Variants in RAB3IP observed in about 807,000 individuals in gnomAD.
The protein encoded by RAB3IP is RAB3A interacting protein.
RAB3IP carries 36 observed loss-of-function variants against 59.1 expected under a neutral mutation model. The observed-to-expected ratio is 0.61, with a 90% CI of 0.47 to 0.80. RAB3IP has a LOEUF of 0.80. Ranked by LOEUF, RAB3IP falls within the 30% of genes least tolerant of loss-of-function variation. The pLI is 0.00. For missense variants in RAB3IP, 511 were observed against 536.0 expected, an observed-to-expected ratio of 0.95 and a Z score of 0.46; for synonymous variants, 207 against 191.2, an observed-to-expected ratio of 1.08 and a Z score of -0.68.
At chr12:69,805,544 G>C (rs1275774306) in intron 8 of RAB3IP, among the ~76,000 whole-genome samples, 1 of 151,968 alleles carries the variant, frequency 6.6e-6, no homozygotes, top group Non-Finnish European at 1.5e-5. Flanking sequence ...TTGAATAGGA[G>C]TGGTGAGAGA....
rs370693677 is a variant in RAB3IP at position 69,795,298 on chromosome 12, A to G, written c.842A>G (p.His281Arg). 41 of 1,614,156 alleles carry G rather than the reference A, an allele frequency of 2.5e-5. No individual in the cohort carries two copies. In the East Asian group the frequency reaches 5.6e-4, roughly 22 times the overall value. Residue 281 changes from histidine (H) to arginine (R), a missense_variant, in exon 6 of 11, where the codon CAT becomes CGT. His to Arg is a conservative substitution (Grantham distance 29, BLOSUM62 0). Coordinates refer to ENST00000247833, the MANE Select transcript of RAB3IP (RefSeq NM_022456.5). ...ACAAGCAGTGCTATGAGTGGCAGTC[A>G]TCAGGACCTCAGTGTGATACAGCCA... ...KSTSSAMSGS[H>R]QDLSVIQPIV...
chr12:69,809,457 A>G (rs1476091490), intron 8 of RAB3IP, among the ~76,000 whole-genome samples: 1 of 152,122 alleles, frequency 6.6e-6, no homozygotes, highest in Admixed American at 6.6e-5. Context: ...GCCTTGCTAG[A>G]TTGGGGAAGT....
At chr12:69,755,075 T>G (rs998597288) in intron 1 of RAB3IP, among the ~76,000 whole-genome samples, 1 of 152,026 alleles carries the variant, frequency 6.6e-6, no homozygotes, top group Non-Finnish European at 1.5e-5. Flanking sequence ...TTGTGGTGTT[T>G]TGTTTTTGTT....
chr12:69,782,079 A>G (rs1423277718), intron 3 of RAB3IP, among the ~76,000 whole-genome samples: 4 of 152,208 alleles, frequency 2.6e-5, no homozygotes, highest in African/African-American at 9.7e-5. Context: ...AAAAAACTAT[A>G]TTACCACCAC....
At chr12:69,776,134 A>C (rs1873886488) in intron 3 of RAB3IP, among the ~76,000 whole-genome samples, 1 of 6,688 alleles carries the variant, frequency 1.5e-4, no homozygotes, top group African/African-American at 3.9e-4. Context: ...TTCCTGGTTT[A>C]GTCTTGGGAG....
chr12:69,741,050 C>T (rs1035064974), intron 1 of RAB3IP, among the ~76,000 whole-genome samples: 1 of 152,136 alleles, frequency 6.6e-6, no homozygotes, highest in African/African-American at 2.4e-5. Flanking sequence ...GTTGAAATTG[C>T]TAATATTCTG....
chr12:69,766,560 A>C (rs1370453596), intron 3 of RAB3IP, among the ~76,000 whole-genome samples: 1 of 149,900 alleles, frequency 6.7e-6, no homozygotes, highest in Non-Finnish European at 1.5e-5. Flanking sequence ...CACTCTTGTC[A>C]CCCAGGCTGG....
At chr12:69,778,727 G>A (rs1218683452) in intron 3 of RAB3IP, among the ~76,000 whole-genome samples, 4 of 6,042 alleles carry the variant, frequency 6.6e-4, no homozygotes, top group South Asian at 0.015. Context: ...TAGGCTGCTC[G>A]GGGGTCAGGG....
Position 69,822,460 on chromosome 12 carries a change from A to G in RAB3IP, c.*7014A>G, listed in dbSNP as rs1881848308. The G allele has an allele frequency of 6.6e-6, 1 of 151,712 alleles. No homozygotes were observed. Among genetic ancestry groups the G allele is most frequent in the Non-Finnish European group, 1.5e-5 (1 of 67,940 alleles). 9.4% of individuals were successfully genotyped at this position (151,712 alleles called of 1,614,324 possible). ...TACACTTAGAATGAATATGCATGGA[A>G]TCAAATTACATTCAGAATCTACCAC... On this transcript the variant is annotated 3_prime_UTR_variant, in exon 11 of 11. Transcript: ENST00000247833.
intron 3 of RAB3IP, among the ~76,000 whole-genome samples, chr12:69,762,123 C>T (rs1197432228): frequency 1.3e-5 from 2 of 152,160 alleles, no homozygotes; most frequent in African/African-American, 4.8e-5. Context: ...GATGGACAAC[C>T]ACTTCCCAGC....
intron 1 of RAB3IP, among the ~76,000 whole-genome samples, chr12:69,748,485 G>C (rs1478958062): frequency 2.0e-5 from 3 of 152,172 alleles, no homozygotes; most frequent in Admixed American, 1.3e-4. Flanking sequence ...TGTTTTTGCT[G>C]TGATAGTACT....
chr12:69,801,663 G>A lies in RAB3IP; in HGVS notation c.1072G>A (p.Val358Met). 6.2e-7 allele frequency: 1 copy of A among 1,613,246 alleles called. No homozygotes were observed. Among genetic ancestry groups the A allele is most frequent in the Non-Finnish European group, 8.5e-7 (1 of 1,179,478 alleles). ...VENNTLSIEP[V>M]GLQPIRFVKA... ...AAACAATACTCTAAGCATTGAACCA[G>A]TGGGATTACAACCTATCCGGTTTGT... The change falls in exon 8 of 11, where the codon GTG becomes ATG. Residue 358 changes from valine to methionine, a missense_variant. Val to Met is a conservative substitution (Grantham distance 21). Coordinates refer to ENST00000247833, the MANE Select transcript of RAB3IP (RefSeq NM_022456.5).
chr12:69,759,486 A>G (rs1264508440), intron 3 of RAB3IP, among the ~76,000 whole-genome samples: 3 of 152,026 alleles, frequency 2.0e-5, no homozygotes, highest in Admixed American at 6.5e-5. Context: ...CCCGTTCTCA[A>G]TGAGCTGTTG....
In RAB3IP at chr12:69,822,941, T is replaced by A. The variant is rs1252651446; in HGVS notation, c.*7495T>A. ...ATTGCTCATGTTTTAAGAAATATAC[T>A]TATTGTTTAATATATCCTGTACCAC... On this transcript the variant is annotated 3_prime_UTR_variant, in exon 11 of 11. Coordinates refer to ENST00000247833, the MANE Select transcript of RAB3IP (RefSeq NM_022456.5). 6.6e-6 allele frequency: 1 copy of A among 152,170 alleles called. No homozygotes were observed. Among genetic ancestry groups the A allele is most frequent in the Non-Finnish European group, 1.5e-5 (1 of 68,036 alleles). 9.4% of individuals were successfully genotyped at this position (152,170 alleles called of 1,614,324 possible).
chr12:69,756,308 A>G (rs2136128636), intron 2 of RAB3IP, 97 bp from the exon 3 acceptor site: 1 of 1,268,656 alleles, frequency 7.9e-7, no homozygotes, highest in Non-Finnish European at 1.1e-6. Flanking sequence ...TATAGAAGCT[A>G]CCAAATTGGG....
chr12:69,760,175 G>A (rs1377035025), intron 3 of RAB3IP, among the ~76,000 whole-genome samples: 2 of 152,250 alleles, frequency 1.3e-5, no homozygotes, highest in African/African-American at 4.8e-5. Context: ...GTTAGGAGCT[G>A]GAGACCAGCC....
chr12:69,787,826 T>C (rs1475652103), intron 4 of RAB3IP, among the ~76,000 whole-genome samples: 1 of 152,182 alleles, frequency 6.6e-6, no homozygotes, highest in African/African-American at 2.4e-5. Flanking sequence ...GAGAGTTCCC[T>C]ATGTGCTAGG....
chr12:69,784,409 AAG>A (rs1217596454), intron 3 of RAB3IP, among the ~76,000 whole-genome samples: 4 of 150,934 alleles, frequency 2.7e-5, no homozygotes, highest in Admixed American at 6.6e-5. Flanking sequence ...AAAGGAAAAA[AAG>A]AAGTCATTTT....
chr12:69,815,684 C>CAAA lies in RAB3IP; in HGVS notation c.*250_*252dup, dbSNP rs373112558. ...ACTAGTGAATGTAATTTATAGTTGCCAAAAAAAAAAAAAACCTGAAATAAA... is the reference window on the plus strand; with the variant it reads ...ACTAGTGAATGTAATTTATAGTTGCCAAAAAAAAAAAAAAAAACCTGAAATAAA... On this transcript the variant is annotated 3_prime_UTR_variant, in exon 11 of 11. Transcript: ENST00000247833. 873 of 212,504 alleles carry CAAA rather than the reference C, an allele frequency of 4.1e-3. 9 individuals are homozygous for CAAA. The highest frequency in any genetic ancestry group is 0.023 in the African/African-American group (816 of 35,130). The allele number at this position is 212,504 out of a possible 1,614,324, so 13.2% of individuals were successfully genotyped here.
Sources: gnomAD v4.1 joint callset for allele counts (sites outside exome capture counted in the v4.1 genomes callset) on GRCh38, gnomAD v4.1.1 for gene constraint, MANE v1.5 for transcripts, NCBI Gene and HGNC (gene_info 2026-07-23, HGNC 2026-07-21) for gene names.